ASIC2: variants seen among roughly 807,000 people sequenced by gnomAD.
ASIC2 encodes the protein acid sensing ion channel subunit 2.
Under a neutral mutation model 57.3 loss-of-function variants are expected in ASIC2, and 25 were observed. That is an observed-to-expected ratio of 0.44 (90% CI 0.32 to 0.61). The LOEUF is 0.61. Among genes scored for constraint, ASIC2 ranks in the 20% least tolerant of loss-of-function variants. The pLI is 0.06. For synonymous variants in ASIC2, 319 were observed against 307.5 expected (o/e 1.04, Z -0.39); for missense variants, 641 against 738.1 (o/e 0.87, Z 1.52).
chr17:34,114,422 T>C (rs1911368392), intron 1 of ASIC2, among the ~76,000 whole-genome samples: 1 of 152,134 alleles, frequency 6.6e-6, no homozygotes, highest in African/African-American at 2.4e-5. Context: ...GACTTCTGCA[T>C]GGGGCTAGCC....
intron 1 of ASIC2, among the ~76,000 whole-genome samples, chr17:33,832,877 T>G (rs1318491747): frequency 2.0e-5 from 3 of 152,196 alleles, no homozygotes; most frequent in African/African-American, 4.8e-5. Flanking sequence ...TGCTGTTTGA[T>G]TTTTATAGTG....
intron 1 of ASIC2, among the ~76,000 whole-genome samples, chr17:33,477,680 C>G (rs1019232586): frequency 1.3e-5 from 2 of 152,176 alleles, no homozygotes; most frequent in Non-Finnish European, 2.9e-5. Flanking sequence ...GACCACGTCC[C>G]TGCCCTCAAG....
intron 1 of ASIC2, among the ~76,000 whole-genome samples, chr17:33,494,858 G>A (rs1913878371): frequency 6.6e-6 from 1 of 152,174 alleles, no homozygotes; most frequent in South Asian, 2.1e-4. Flanking sequence ...ATGACGCCCT[G>A]TGTCTAGGGC....
At chr17:33,195,471 G>A (rs1389500731) in intron 1 of ASIC2, among the ~76,000 whole-genome samples, 1 of 152,172 alleles carries the variant, frequency 6.6e-6, no homozygotes, top group Non-Finnish European at 1.5e-5. Flanking sequence ...AACTATTATT[G>A]TGAATGAGGA....
At chr17:33,393,745 G>A (rs1480311033) in intron 1 of ASIC2, among the ~76,000 whole-genome samples, 1 of 152,168 alleles carries the variant, frequency 6.6e-6, no homozygotes, top group Non-Finnish European at 1.5e-5. Context: ...ACACCTGGGG[G>A]TTCATGGAGT....
At chr17:33,562,973 C>T (rs1316594721) in intron 1 of ASIC2, among the ~76,000 whole-genome samples, 2 of 152,160 alleles carry the variant, frequency 1.3e-5, no homozygotes, top group Non-Finnish European at 2.9e-5. Flanking sequence ...GCAGCTGCTC[C>T]ACAGGAGAAC....
intron 1 of ASIC2, among the ~76,000 whole-genome samples, chr17:33,758,696 T>G (rs1910686925): frequency 6.6e-6 from 1 of 152,116 alleles, no homozygotes; most frequent in African/African-American, 2.4e-5. Context: ...AAGGGCATCC[T>G]GAGCTAGAAC....
At chr17:33,481,396 T>G (rs1428565400) in intron 1 of ASIC2, among the ~76,000 whole-genome samples, 1 of 152,240 alleles carries the variant, frequency 6.6e-6, no homozygotes, top group Non-Finnish European at 1.5e-5. Context: ...CTTAACTGCC[T>G]GGCACAACAC....
At chr17:33,405,874 T>TA (rs1220180002) in intron 1 of ASIC2, among the ~76,000 whole-genome samples, 1 of 152,084 alleles carries the variant, frequency 6.6e-6, no homozygotes, top group African/African-American at 2.4e-5. Context: ...CAGGAGACAA[T>TA]ATTCCTCCAC....
chr17:33,329,597 C>A (rs1270019960), intron 1 of ASIC2, among the ~76,000 whole-genome samples: 1 of 152,176 alleles, frequency 6.6e-6, no homozygotes, highest in Admixed American at 6.5e-5. Flanking sequence ...ATAGGGTCAC[C>A]AGTTATATGG....
At chr17:33,595,230 A>C (rs1445718736) in intron 1 of ASIC2, among the ~76,000 whole-genome samples, 1 of 152,212 alleles carries the variant, frequency 6.6e-6, no homozygotes, top group Non-Finnish European at 1.5e-5. Context: ...TGTCTCAAAA[A>C]AATGAAAAAT....
At chr17:33,030,791 T>C (rs2091879838) in intron 3 of ASIC2, among the ~76,000 whole-genome samples, 1 of 152,202 alleles carries the variant, frequency 6.6e-6, no homozygotes, top group Non-Finnish European at 1.5e-5. Flanking sequence ...TCCTTCATTC[T>C]ATTAACACAG....
chr17:33,454,793 T>C (rs1644259771), intron 1 of ASIC2, among the ~76,000 whole-genome samples: 1 of 152,170 alleles, frequency 6.6e-6, no homozygotes, highest in African/African-American at 2.4e-5. Flanking sequence ...CCAAGATGGC[T>C]CTGTGTTATT....
intron 1 of ASIC2, among the ~76,000 whole-genome samples, chr17:33,686,419 T>C (rs1359730000): frequency 6.6e-6 from 1 of 152,122 alleles, no homozygotes; most frequent in Non-Finnish European, 1.5e-5. Context: ...TAATCTCTTG[T>C]CCTGTTCAGT....
chr17:33,322,090 G>A (rs1042130393), intron 1 of ASIC2, among the ~76,000 whole-genome samples: 3 of 152,206 alleles, frequency 2.0e-5, no homozygotes, highest in African/African-American at 7.2e-5. Context: ...GGTCCAGAAT[G>A]AATGAACCCT....
intron 1 of ASIC2, among the ~76,000 whole-genome samples, chr17:33,510,564 C>G (rs1287923092): frequency 6.6e-6 from 1 of 152,008 alleles, no homozygotes; most frequent in African/African-American, 2.4e-5. Flanking sequence ...CCCAGGAGGT[C>G]GAGTCTGCAG....
chr17:33,469,350 G>A (rs1414228542), intron 1 of ASIC2, among the ~76,000 whole-genome samples: 3 of 152,190 alleles, frequency 2.0e-5, no homozygotes, highest in Non-Finnish European at 2.9e-5. Flanking sequence ...GAATGGGGCA[G>A]TAGGCAGGGG....
At position 33,813,581 on chromosome 17, in the gene ASIC2, C is replaced by T. The variant is rs111952645; in HGVS notation, c.555+342397G>A. On this transcript the variant is annotated intron_variant, in intron 1 of 9. Coordinates refer to the ASIC2 transcript ENST00000359872. The stretch of plus-strand genomic sequence containing the variant: ...CCTCCTGAGTAGCTGGGACTACAGG[C>T]GCCCGCCACCAAGCCCGGCTAATTT... Among the ~76,000 whole-genome samples, 761 of 152,200 alleles carry T rather than the reference C, an allele frequency of 5.0e-3. 7 individuals carry two copies. Among genetic ancestry groups the T allele is most frequent in the African/African-American group, 0.018 (730 of 41,540 alleles).
At chr17:33,856,855 G>A (rs1260989486) in intron 1 of ASIC2, among the ~76,000 whole-genome samples, 2 of 152,158 alleles carry the variant, frequency 1.3e-5, no homozygotes, top group Non-Finnish European at 2.9e-5. Context: ...GACAGGGGTA[G>A]CTAGAAGGTG....
Sources: allele counts gnomAD v4.1 joint callset (sites outside exome capture counted in the v4.1 genomes callset), GRCh38; gene constraint gnomAD v4.1.1; transcripts MANE v1.5; gene names NCBI Gene and HGNC (gene_info 2026-07-23, HGNC 2026-07-21).